The following C8orf34 variants were observed in gnomAD, a reference collection of about 807,000 sequenced individuals.
C8orf34 encodes the protein uncharacterized protein C8orf34.
Under a neutral mutation model 68.3 loss-of-function variants are expected in C8orf34, and 65 were observed. The observed-to-expected ratio is 0.95, with a 90% CI of 0.78 to 1.17. The LOEUF is 1.17. C8orf34 is among the 50% of genes most tolerant of loss of function. The probability of loss-of-function intolerance (pLI) is 0.00; values close to 1 mark genes in which losing one functional copy is unlikely to be tolerated. For missense variants in C8orf34, 664 were observed against 655.4 expected, an observed-to-expected ratio of 1.01 and a Z score of -0.14; for synonymous variants, 244 against 241.2, an observed-to-expected ratio of 1.01 and a Z score of -0.11.
At chr8:68,536,225 AC>A (rs1162577032) in intron 7 of C8orf34, among the ~76,000 whole-genome samples, 1 of 151,770 alleles carries the variant, frequency 6.6e-6, no homozygotes, top group Non-Finnish European at 1.5e-5. Flanking sequence ...TACAAAAAAT[AC>A]TTATATTAGT....
intron 7 of C8orf34, among the ~76,000 whole-genome samples, chr8:68,605,517 AT>A (rs34337869): frequency 0.27 from 40,724 of 151,880 alleles, 7,627 homozygotes; most frequent in African/African-American, 0.54. Context: ...GAAACTGAGT[AT>A]TTTTTAGCAC....
chr8:68,552,133 T>C (rs1020825671), intron 7 of C8orf34, among the ~76,000 whole-genome samples: 1 of 152,172 alleles, frequency 6.6e-6, no homozygotes, highest in African/African-American at 2.4e-5. Flanking sequence ...TTACTCTAGC[T>C]ATGTGATATG....
At chr8:68,475,700 G>T (rs776874510) in intron 4 of C8orf34, among the ~76,000 whole-genome samples, 3 of 152,170 alleles carry the variant, frequency 2.0e-5, no homozygotes, top group Non-Finnish European at 2.9e-5. Flanking sequence ...CTAAAGACCA[G>T]CAGTTTTTTA....
intron 7 of C8orf34, among the ~76,000 whole-genome samples, chr8:68,614,267 T>C (rs1249192890): frequency 2.0e-5 from 3 of 152,146 alleles, no homozygotes; most frequent in Admixed American, 6.5e-5. Context: ...GTAGTTTCTT[T>C]TGCTGTGCAG....
chr8:68,650,896 C>A (rs1819339166), intron 8 of C8orf34, among the ~76,000 whole-genome samples: 1 of 152,160 alleles, frequency 6.6e-6, no homozygotes, highest in Admixed American at 6.5e-5. Flanking sequence ...ACCTGGCTTC[C>A]AGGTAGCCCT....
intron 7 of C8orf34, among the ~76,000 whole-genome samples, chr8:68,537,993 G>A (rs754140160): frequency 7.2e-5 from 11 of 151,740 alleles, no homozygotes; most frequent in East Asian, 1.9e-4. Context: ...TAGAATAAAC[G>A]TCAATAGTTT....
At chr8:68,673,996 C>A (rs1188031421) in intron 8 of C8orf34, among the ~76,000 whole-genome samples, 1 of 152,148 alleles carries the variant, frequency 6.6e-6, no homozygotes, top group East Asian at 1.9e-4. Context: ...GCCTGGTAAT[C>A]CAGAGAATTC....
intron 1 of C8orf34, among the ~76,000 whole-genome samples, chr8:68,437,092 C>T (rs1316288002): frequency 6.6e-6 from 1 of 152,170 alleles, no homozygotes; most frequent in African/African-American, 2.4e-5. Context: ...GATCATTTCG[C>T]TCACGATTGA....
intron 5 of C8orf34, among the ~76,000 whole-genome samples, chr8:68,508,418 C>T (rs897306686): frequency 1.3e-5 from 2 of 152,148 alleles, no homozygotes; most frequent in Admixed American, 6.5e-5. Context: ...AAATCAATGG[C>T]ATATATTTTG....
At chr8:68,626,025 A>G (rs879739090) in intron 7 of C8orf34, among the ~76,000 whole-genome samples, 10 of 152,198 alleles carry the variant, frequency 6.6e-5, no homozygotes, top group Non-Finnish European at 1.0e-4. Flanking sequence ...CTCAATATTA[A>G]TAACACAAAG....
Position 68,387,027 on chromosome 8 carries a change from G to C in C8orf34, c.328-52472G>C, listed in dbSNP as rs560422409. Among the ~76,000 whole-genome samples the C allele has an allele frequency of 2.0e-5, 3 of 152,020 alleles. No individual in the cohort carries two copies. In the South Asian group the frequency reaches 6.2e-4, roughly 32 times the overall value. On this transcript the variant is annotated intron_variant, in intron 1 of 13. Transcript: ENST00000518698. Reference sequence around the variant, plus strand: ...ATGTATTTTAACTGAGGTATTCCAAGCTGAAGGATGGCATGATACAAAGAT... The same window carrying C: ...ATGTATTTTAACTGAGGTATTCCAACCTGAAGGATGGCATGATACAAAGAT...
At chr8:68,766,083 T>C (rs1367491117) in intron 10 of C8orf34, among the ~76,000 whole-genome samples, 1 of 152,190 alleles carries the variant, frequency 6.6e-6, no homozygotes, top group Non-Finnish European at 1.5e-5. Flanking sequence ...ATGCATCAGT[T>C]AGAGAAATGT....
intron 10 of C8orf34, among the ~76,000 whole-genome samples, chr8:68,763,941 C>T (rs2129528126): frequency 6.6e-6 from 1 of 152,290 alleles, no homozygotes; most frequent in African/African-American, 2.4e-5. Context: ...TCTCTGGAGC[C>T]TGAATATGTG....
At chr8:68,554,051 A>G (rs533368901) in intron 7 of C8orf34, among the ~76,000 whole-genome samples, 1 of 152,262 alleles carries the variant, frequency 6.6e-6, no homozygotes, top group East Asian at 1.9e-4. Flanking sequence ...GTGTGCCTCA[A>G]GTCAAATTGG....
chr8:68,615,437 A>C (rs1185461414), intron 7 of C8orf34, among the ~76,000 whole-genome samples: 1 of 151,998 alleles, frequency 6.6e-6, no homozygotes, highest in Non-Finnish European at 1.5e-5. Context: ...TGTCATAGAT[A>C]GTTCTTGTTA....
chr8:68,741,286 T>A (rs946931353), intron 10 of C8orf34, among the ~76,000 whole-genome samples: 1 of 152,184 alleles, frequency 6.6e-6, no homozygotes, highest in Non-Finnish European at 1.5e-5. Flanking sequence ...TTTTTTCCAA[T>A]AAAAATAAAC....
intron 8 of C8orf34, among the ~76,000 whole-genome samples, chr8:68,686,489 TA>T (rs1229788023): frequency 6.6e-6 from 1 of 152,020 alleles, no homozygotes; most frequent in East Asian, 1.9e-4. Context: ...TGAGAGTCAA[TA>T]AATGTGACAC....
At chr8:68,522,764 G>A (rs2129692535) in intron 6 of C8orf34, among the ~76,000 whole-genome samples, 1 of 152,194 alleles carries the variant, frequency 6.6e-6, no homozygotes, top group East Asian at 1.9e-4. Flanking sequence ...ATCACGGGAG[G>A]CATGGCTTAG....
chr8:68,694,677 A>G (rs1215938022), intron 8 of C8orf34, among the ~76,000 whole-genome samples: 2 of 152,040 alleles, frequency 1.3e-5, no homozygotes, highest in Non-Finnish European at 2.9e-5. Context: ...ATAGGAACGA[A>G]TAGTGAAAGC....
Sources: allele counts gnomAD v4.1 joint callset (sites outside exome capture counted in the v4.1 genomes callset), GRCh38; gene constraint gnomAD v4.1.1; transcripts MANE v1.5; gene names NCBI Gene and HGNC (gene_info 2026-07-23, HGNC 2026-07-21).